Variants in ULK4 observed in about 807,000 individuals in gnomAD.
ULK4 encodes the protein unc-51 like kinase 4, also known as inactive serine/threonine-protein kinase ULK4.
In ULK4, 133 loss-of-function variants were observed where a neutral mutation model predicts 160.6. The ratio of observed to expected loss-of-function variants is 0.83; its 90% CI spans 0.72 to 0.96. ULK4 has a LOEUF of 0.96. Ranked by LOEUF, ULK4 falls within the 40% of genes least tolerant of loss-of-function variation. The probability of loss-of-function intolerance (pLI) is 0.00; values close to 1 mark genes in which losing one functional copy is unlikely to be tolerated. For missense variants in ULK4, 1,580 were observed against 1,499.5 expected (o/e 1.05, Z -0.89); for synonymous variants, 534 against 539.8 (o/e 0.99, Z 0.15).
chr3:41,873,859 G>A (rs561490429), intron 17 of ULK4, among the ~76,000 whole-genome samples: 1 of 148,640 alleles, frequency 6.7e-6, no homozygotes, highest in South Asian at 2.1e-4. Flanking sequence ...CGCCCTCTAG[G>A]TTTGTTTTTG....
At chr3:41,342,084 A>G (rs745848042) in intron 35 of ULK4, among the ~76,000 whole-genome samples, 13 of 152,350 alleles carry the variant, frequency 8.5e-5, no homozygotes, top group Non-Finnish European at 1.8e-4. Context: ...TAATGGTTTA[A>G]TAAGTTTCCC....
intron 35 of ULK4, among the ~76,000 whole-genome samples, chr3:41,397,335 T>C (rs1424238812): frequency 2.0e-5 from 3 of 152,162 alleles, no homozygotes; most frequent in Non-Finnish European, 2.9e-5. Context: ...GAGTTATAAA[T>C]GTTGGGGATG....
rs112608255 is a variant in ULK4, at chr3:41,362,455, T to G, written c.3678+35624A>C. Among the ~76,000 whole-genome samples, 1,066 of 152,334 alleles carry G rather than the reference T, an allele frequency of 7.0e-3. 11 individuals carry two copies. The highest frequency in any genetic ancestry group is 0.025 in the African/African-American group (1,019 of 41,570). On this transcript the variant is annotated intron_variant, in intron 35 of 36. Coordinates refer to ENST00000301831, the MANE Select transcript of ULK4 (RefSeq NM_017886.4). ...GATCCCTAGAGGATTTTGCCAACTC[T>G]TCATATACTAGGGTATCATATACAG...
At chr3:41,928,005 TA>T (rs1156448956) in intron 5 of ULK4, among the ~76,000 whole-genome samples, 3 of 152,184 alleles carry the variant, frequency 2.0e-5, no homozygotes, top group African/African-American at 7.2e-5. Context: ...CAAGCAGACC[TA>T]ATAGACATCT....
intron 32 of ULK4, among the ~76,000 whole-genome samples, chr3:41,519,292 C>T (rs2085850886): frequency 6.6e-6 from 1 of 152,216 alleles, no homozygotes; most frequent in Non-Finnish European, 1.5e-5. Context: ...GAGAGGCAGA[C>T]ACATATCTGA....
At chr3:41,572,095 G>A (rs1408913266) in intron 31 of ULK4, among the ~76,000 whole-genome samples, 2 of 152,212 alleles carry the variant, frequency 1.3e-5, no homozygotes, top group Non-Finnish European at 1.5e-5. Flanking sequence ...ATTTTTATCA[G>A]TAAGAATTGA....
intron 21 of ULK4, among the ~76,000 whole-genome samples, chr3:41,755,258 T>G (rs2038761412): frequency 6.6e-6 from 1 of 152,182 alleles, no homozygotes; most frequent in African/African-American, 2.4e-5. Flanking sequence ...AGTAACACTG[T>G]GTGTCCAAGA....
intron 29 of ULK4, 44 bp from the exon 30 acceptor site, chr3:41,663,743 T>C: frequency 1.3e-6 from 2 of 1,510,042 alleles, no homozygotes; most frequent in Non-Finnish European, 1.8e-6. Context: ...TAGGAAAAAT[T>C]ATGTCCAACC....
At chr3:41,836,047 G>A in intron 17 of ULK4, 76 bp from the exon 18 acceptor site, 1 of 986,756 alleles carries the variant, frequency 1.0e-6, no homozygotes, top group South Asian at 1.6e-5. Context: ...GTAAAAAGCA[G>A]GATACCCTGT....
chr3:41,908,411 C>T (rs1166433292), intron 11 of ULK4, among the ~76,000 whole-genome samples: 1 of 152,110 alleles, frequency 6.6e-6, no homozygotes, highest in Non-Finnish European at 1.5e-5. Flanking sequence ...GTATGGGCCA[C>T]TGTACTTTTC....
At chr3:41,485,189 A>G (rs1407675105) in intron 32 of ULK4, among the ~76,000 whole-genome samples, 1 of 152,166 alleles carries the variant, frequency 6.6e-6, no homozygotes, top group African/African-American at 2.4e-5. Flanking sequence ...GGTCTGTGCT[A>G]TTACCCATTT....
Position 41,676,644 on chromosome 3 carries a change from T to C in ULK4, c.2978+4864A>G, listed in dbSNP as rs527494249. 1.1e-4 allele frequency among the ~76,000 whole-genome samples: 16 copies of C among 152,262 alleles called. No individual in the cohort carries two copies. The East Asian group carries it at 2.7e-3, about 26-fold the overall frequency. On this transcript the variant is annotated intron_variant, in intron 29 of 36. Coordinates refer to ENST00000301831, the MANE Select transcript of ULK4 (RefSeq NM_017886.4). The stretch of plus-strand genomic sequence containing the variant: ...TGGAACTGTCAGAGAGTAAGCTCTG[T>C]AAAAAGGCAGAGGCTATCCCTATCT...
chr3:41,470,809 T>C (rs899264164), intron 32 of ULK4, among the ~76,000 whole-genome samples: 1 of 152,068 alleles, frequency 6.6e-6, no homozygotes, highest in Non-Finnish European at 1.5e-5. Flanking sequence ...GTAAGTCTCA[T>C]GGTAATCACA....
At chr3:41,486,759 T>C (rs2084553205) in intron 32 of ULK4, among the ~76,000 whole-genome samples, 1 of 152,202 alleles carries the variant, frequency 6.6e-6, no homozygotes, top group Admixed American at 6.5e-5. Flanking sequence ...CCTTCTGGAC[T>C]AACTGCAGAG....
At chr3:41,489,199 T>C (rs541083230) in intron 32 of ULK4, among the ~76,000 whole-genome samples, 8 of 152,292 alleles carry the variant, frequency 5.3e-5, no homozygotes, top group African/African-American at 1.7e-4. Context: ...ACTGACGACA[T>C]AGGCATGTTT....
intron 21 of ULK4, among the ~76,000 whole-genome samples, chr3:41,776,504 G>C (rs936742463): frequency 6.6e-6 from 1 of 150,492 alleles, no homozygotes; most frequent in Non-Finnish European, 1.5e-5. Flanking sequence ...ACACTACAAA[G>C]TACTAATTTC....
intron 30 of ULK4, among the ~76,000 whole-genome samples, chr3:41,620,481 T>C (rs551482962): frequency 1.3e-5 from 2 of 152,346 alleles, no homozygotes; most frequent in South Asian, 2.1e-4. Flanking sequence ...TCAATAAATG[T>C]AATCCATCAT....
At chr3:41,558,436 G>T (rs985983898) in intron 32 of ULK4, among the ~76,000 whole-genome samples, 24 of 152,114 alleles carry the variant, frequency 1.6e-4, no homozygotes, top group African/African-American at 5.8e-4. Flanking sequence ...CAGGAGCAGT[G>T]GCTCATGCCT....
chr3:41,877,937 C>T (rs1446355493), intron 17 of ULK4, among the ~76,000 whole-genome samples: 1 of 151,928 alleles, frequency 6.6e-6, no homozygotes, highest in African/African-American at 2.4e-5. Context: ...GCCGAGATCG[C>T]GCCGTCGCAC....
Sources: allele counts gnomAD v4.1 joint callset (sites outside exome capture counted in the v4.1 genomes callset), GRCh38; gene constraint gnomAD v4.1.1; transcripts MANE v1.5; gene names NCBI Gene and HGNC (gene_info 2026-07-23, HGNC 2026-07-21).